The following TNFAIP6 variants were observed in gnomAD, a reference collection of about 807,000 sequenced individuals.
TNFAIP6 encodes the protein TNF alpha induced protein 6.
A neutral mutation model predicts 33.7 loss-of-function variants in TNFAIP6; 36 were observed. The ratio of observed to expected loss-of-function variants is 1.07; its 90% CI spans 0.82 to 1.41. The LOEUF is 1.41. TNFAIP6 is among the 40% of genes most tolerant of loss of function. The pLI, the probability that TNFAIP6 is intolerant of heterozygous loss-of-function variation, is 0.00. For synonymous variants in TNFAIP6, 113 were observed against 112.8 expected, an observed-to-expected ratio of 1.00 and a Z score of -0.01; for missense variants, 273 against 331.9, an observed-to-expected ratio of 0.82 and a Z score of 1.38.
chr2:151,364,761 G>A (rs1313265310), intron 2 of TNFAIP6, among the ~76,000 whole-genome samples: 1 of 152,134 alleles, frequency 6.6e-6, no homozygotes, highest in African/African-American at 2.4e-5. Flanking sequence ...TTTGCTGACT[G>A]GATAACATCC....
intron 3 of TNFAIP6, among the ~76,000 whole-genome samples, chr2:151,366,619 A>T (rs1684715172): frequency 3.3e-5 from 5 of 152,224 alleles, no homozygotes; most frequent in Admixed American, 1.3e-4. Context: ...TTGTCACAGT[A>T]AATTAGCTAA....
At chr2:151,375,849 G>C (rs564890651) in intron 5 of TNFAIP6, among the ~76,000 whole-genome samples, 2 of 152,262 alleles carry the variant, frequency 1.3e-5, no homozygotes, top group South Asian at 4.1e-4. Flanking sequence ...ATGGTAGCTC[G>C]TGCCTATAAT....
chr2:151,370,995 C>T (rs926845250), intron 4 of TNFAIP6, among the ~76,000 whole-genome samples: 9 of 151,348 alleles, frequency 5.9e-5, no homozygotes, highest in African/African-American at 1.9e-4. Flanking sequence ...CACTTGAACC[C>T]GGGAGGTGGA....
At position 151,366,354 on chromosome 2, in the gene TNFAIP6, T is replaced by A. The variant is rs568524665; in HGVS notation, c.394+137T>A. The A allele has an allele frequency of 6.8e-6, 5 of 735,068 alleles. No individual in the cohort carries two copies. The Admixed American group carries it at 1.1e-4, about 16-fold the overall frequency. The allele number at this position is 735,068 out of a possible 1,614,324, so 45.5% of individuals were successfully genotyped here. A position where few individuals can be genotyped will look rare whatever the true frequency, so the allele number is the denominator to read the frequency against. ...AACTACTACTAATAACTACAATTCA[T>A]AAAGTGCTTATACTATACCCGACAT... On this transcript the variant is annotated intron_variant, in intron 3 of 5. Transcript: ENST00000243347.
chr2:151,379,286 G>C lies in TNFAIP6; in HGVS notation c.665-78G>C, dbSNP rs908939173. ...CATGAATTCTTATATTCTCCTATGA[G>C]AATGAAGAGTCTTTGAATTGTCAGC... On this transcript the variant is annotated intron_variant, in intron 5 of 5. Transcript: ENST00000243347. 5 of 1,293,368 alleles carry C rather than the reference G, an allele frequency of 3.9e-6. No individual in the cohort carries two copies. The East Asian group carries it at 1.0e-4, about 26-fold the overall frequency. The allele number at this position is 1,293,368 out of a possible 1,614,324, so 80.1% of individuals were successfully genotyped here.
intron 5 of TNFAIP6, among the ~76,000 whole-genome samples, chr2:151,374,883 T>TG: frequency 6.6e-6 from 1 of 152,234 alleles, no homozygotes; most frequent in South Asian, 2.1e-4. Context: ...CCCAGCACTT[T>TG]GGGAGGCCAA....
chr2:151,377,349 T>G (rs938544202), intron 5 of TNFAIP6, among the ~76,000 whole-genome samples: 1 of 151,864 alleles, frequency 6.6e-6, no homozygotes, highest in African/African-American at 2.4e-5. Flanking sequence ...TTTTGTATTT[T>G]TAGTAGAGAC....
At chr2:151,366,548 C>G (rs1354355246) in intron 3 of TNFAIP6, among the ~76,000 whole-genome samples, 1 of 152,136 alleles carries the variant, frequency 6.6e-6, no homozygotes, top group Non-Finnish European at 1.5e-5. Context: ...TTCAGATCTT[C>G]TCTGTGCCAG....
intron 2 of TNFAIP6, among the ~76,000 whole-genome samples, chr2:151,365,081 G>T (rs1354839535): frequency 6.6e-6 from 1 of 152,068 alleles, no homozygotes; most frequent in Non-Finnish European, 1.5e-5. Flanking sequence ...TATCTGATAG[G>T]GTGCAGTGGT....
At chr2:151,362,797 T>G (rs937158739) in intron 1 of TNFAIP6, among the ~76,000 whole-genome samples, 2 of 152,236 alleles carry the variant, frequency 1.3e-5, no homozygotes, top group South Asian at 2.1e-4. Context: ...GCCTAAATTC[T>G]TAATTATATT....
rs770581964 is a variant in TNFAIP6, at chr2:151,366,218, G to T, written c.394+1G>T. The T allele has an allele frequency of 4.3e-6, 7 of 1,613,296 alleles. No individual in the cohort carries two copies. The South Asian group carries it at 7.7e-5, about 18-fold the overall frequency. On this transcript the variant is annotated splice_donor_variant, in intron 3 of 5. Coordinates refer to ENST00000243347, the MANE Select transcript of TNFAIP6 (RefSeq NM_007115.4). LOFTEE classifies it high-confidence loss of function. ...GATGCCTATTGCTACAACCCACACG[G>T]TGTGTTAAAAATAATAATTTTATGT...
intron 5 of TNFAIP6, among the ~76,000 whole-genome samples, chr2:151,378,273 A>G (rs1470252114): frequency 6.6e-6 from 1 of 152,074 alleles, no homozygotes; most frequent in Non-Finnish European, 1.5e-5. Flanking sequence ...TTATATAATA[A>G]AGTTTTTCCT....
intron 5 of TNFAIP6, among the ~76,000 whole-genome samples, chr2:151,378,879 C>T (rs1268165840): frequency 6.6e-6 from 1 of 151,844 alleles, no homozygotes. Context: ...GCGTGGACCA[C>T]CTGAGGTCGG....
In TNFAIP6 at chr2:151,357,635, T is replaced by C. The variant is rs1200580975; in HGVS notation, c.-32T>C. On this transcript the variant is annotated 5_prime_UTR_variant, in exon 1 of 6. Coordinates refer to ENST00000243347, the MANE Select transcript of TNFAIP6 (RefSeq NM_007115.4). ...GCTCTGAGAATTTGTGAGCAGCCCCTAACAGGCTGTTACTTCACTACAACT... is the reference window on the plus strand; with the variant it reads ...GCTCTGAGAATTTGTGAGCAGCCCCCAACAGGCTGTTACTTCACTACAACT... The C allele has an allele frequency of 1.4e-6, 2 of 1,395,664 alleles. No homozygotes were observed. Among genetic ancestry groups the C allele is most frequent in the Non-Finnish European group, 2.0e-6 (2 of 981,728 alleles). 86.5% of individuals were successfully genotyped at this position (1,395,664 alleles called of 1,614,324 possible).
At chr2:151,369,964 GATA>G in intron 3 of TNFAIP6, 53 bp from the exon 4 acceptor site, 1 of 1,307,850 alleles carries the variant, frequency 7.6e-7, no homozygotes, top group Non-Finnish European at 1.1e-6. Context: ...TTTTAACAGG[GATA>G]ATGTTTTTCC....
At chr2:151,371,676 C>A (rs1490440007) in intron 4 of TNFAIP6, among the ~76,000 whole-genome samples, 1 of 151,724 alleles carries the variant, frequency 6.6e-6, no homozygotes, top group East Asian at 1.9e-4. Flanking sequence ...CTCACTGCAA[C>A]CTCTGCCTCC....
At chr2:151,365,909 T>G in intron 2 of TNFAIP6, 147 bp from the exon 3 acceptor site, 1 of 663,800 alleles carries the variant, frequency 1.5e-6, no homozygotes. Flanking sequence ...CTTTGTCTAA[T>G]TAAGGAAGCA....
At chr2:151,361,459 A>G (rs1327727717) in intron 1 of TNFAIP6, among the ~76,000 whole-genome samples, 2 of 152,222 alleles carry the variant, frequency 1.3e-5, no homozygotes, top group African/African-American at 4.8e-5. Context: ...AAAACTTTGT[A>G]TACATTAAAA....
downstream of TNFAIP6, among the ~76,000 whole-genome samples, chr2:151,380,391 A>ATTT (rs1352857175): frequency 5.9e-5 from 9 of 152,150 alleles, no homozygotes; most frequent in African/African-American, 2.2e-4. Context: ...TCTTTAAAAT[A>ATTT]TATCAAATGT....
Sources: allele counts gnomAD v4.1 joint callset (sites outside exome capture counted in the v4.1 genomes callset), GRCh38; gene constraint gnomAD v4.1.1; transcripts MANE v1.5; gene names NCBI Gene and HGNC (gene_info 2026-07-23, HGNC 2026-07-21).